SLC28A3: variants seen among roughly 807,000 people sequenced by gnomAD.
The protein encoded by SLC28A3 is solute carrier family 28 member 3, also known as concentrative Na(+)-nucleoside cotransporter 3.
SLC28A3 carries 68 observed loss-of-function variants against 84.2 expected under a neutral mutation model. That is an observed-to-expected ratio of 0.81 (90% CI 0.66 to 0.99). The LOEUF (loss-of-function observed/expected upper bound fraction) is 0.99. SLC28A3 is among the 50% of genes least tolerant of loss of function. The probability of loss-of-function intolerance (pLI) is 0.00; values close to 1 mark genes in which losing one functional copy is unlikely to be tolerated. For missense variants in SLC28A3, 712 were observed against 841.5 expected (o/e 0.85, Z 1.90); for synonymous variants, 267 against 303.6 (o/e 0.88, Z 1.25).
chr9:84,288,634 C>T (rs1825091934), intron 11 of SLC28A3, among the ~76,000 whole-genome samples: 1 of 152,124 alleles, frequency 6.6e-6, no homozygotes, highest in African/African-American at 2.4e-5. Flanking sequence ...CAACCTCCGC[C>T]TCCCTGGTCA....
chr9:84,324,205 TC>T (rs1304127893), intron 1 of SLC28A3, among the ~76,000 whole-genome samples: 2 of 152,216 alleles, frequency 1.3e-5, no homozygotes, highest in African/African-American at 4.8e-5. Context: ...ATGGGTCAGA[TC>T]CTTGATTAAG....
rs1265531739 is a variant in SLC28A3 at position 84,327,012 on chromosome 9, A to AC, written c.61-13559_61-13558insG. Among the ~76,000 whole-genome samples, 505 of 152,102 alleles carry AC rather than the reference A, an allele frequency of 3.3e-3. 3 individuals carry two copies. Among genetic ancestry groups the AC allele is most frequent in the Non-Finnish European group, 4.7e-3 (317 of 68,012 alleles). On this transcript the variant is annotated intron_variant, in intron 1 of 17. Transcript: ENST00000376238. ...GACAGAGCAAGATTCTGTCTCAAAA[A>AC]ACAAAAACAAAAACACCCAAAAAAC...
chr9:84,334,110 G>A (rs1221036832), intron 1 of SLC28A3, among the ~76,000 whole-genome samples: 1 of 152,138 alleles, frequency 6.6e-6, no homozygotes, highest in Non-Finnish European at 1.5e-5. Flanking sequence ...TTTGAGACCA[G>A]CCTGGCCAAC....
chr9:84,318,951 T>A (rs532238495), intron 1 of SLC28A3, among the ~76,000 whole-genome samples: 78 of 152,076 alleles, frequency 5.1e-4, no homozygotes, highest in Admixed American at 1.8e-3. Flanking sequence ...ATACAAATGA[T>A]AAACGGAGAA....
At chr9:84,316,683 C>T (rs1826179534) in intron 1 of SLC28A3, among the ~76,000 whole-genome samples, 2 of 152,178 alleles carry the variant, frequency 1.3e-5, no homozygotes, top group African/African-American at 2.4e-5. Context: ...CCAAATGATA[C>T]AGTATTTAGT....
In SLC28A3 at chr9:84,277,468, C is replaced by A. The variant is rs933778343; in HGVS notation, c.*750G>T. On this transcript the variant is annotated 3_prime_UTR_variant, in exon 18 of 18. Transcript: ENST00000376238. Reference sequence around the variant, plus strand: ...TCCCTCTTAAGACCAACATGCCCCCCTTAGAGGCTGCTCCTTTAGACTGGG... The same window carrying A: ...TCCCTCTTAAGACCAACATGCCCCCATTAGAGGCTGCTCCTTTAGACTGGG... 1 of 152,260 alleles carries A rather than the reference C, an allele frequency of 6.6e-6. No homozygotes were observed. The highest frequency in any genetic ancestry group is 2.4e-5 in the African/African-American group (1 of 41,468). The allele number at this position is 152,260 out of a possible 1,614,324, so 9.4% of individuals were successfully genotyped here.
chr9:84,294,631 T>G (rs1825350072), intron 8 of SLC28A3, among the ~76,000 whole-genome samples: 1 of 152,150 alleles, frequency 6.6e-6, no homozygotes, highest in South Asian at 2.1e-4. Context: ...GTAACCTAAG[T>G]TGAGATAAAT....
chr9:84,349,156 G>A, the SLC28A3 span, among the ~76,000 whole-genome samples: 1 of 152,222 alleles, frequency 6.6e-6, no homozygotes, highest in Non-Finnish European at 1.5e-5. Flanking sequence ...TTTGGGATAG[G>A]TGGTGGAGTT....
chr9:84,347,308 C>G, the SLC28A3 span, among the ~76,000 whole-genome samples: 8,186 of 151,274 alleles, frequency 0.054, 442 homozygotes, highest in East Asian at 0.17. Flanking sequence ...CCATTTTATC[C>G]TCATAACAAG....
intron 1 of SLC28A3, among the ~76,000 whole-genome samples, chr9:84,322,288 T>C (rs1020058494): frequency 3.3e-5 from 5 of 152,188 alleles, no homozygotes; most frequent in Non-Finnish European, 7.3e-5. Context: ...TAAAGAGACA[T>C]TGGACATCAT....
At chr9:84,311,189 T>C (rs1825976732) in intron 2 of SLC28A3, among the ~76,000 whole-genome samples, 1 of 152,202 alleles carries the variant, frequency 6.6e-6, no homozygotes, top group Non-Finnish European at 1.5e-5. Flanking sequence ...GGCCCATTGC[T>C]ATCAAATCCA....
At chr9:84,318,010 G>A (rs1383729079) in intron 1 of SLC28A3, among the ~76,000 whole-genome samples, 1 of 152,094 alleles carries the variant, frequency 6.6e-6, no homozygotes, top group East Asian at 1.9e-4. Flanking sequence ...TTCTCTAAAT[G>A]TTATTCTTCG....
intron 1 of SLC28A3, among the ~76,000 whole-genome samples, chr9:84,321,064 G>GTTAACTTT (rs1826360045): frequency 6.6e-6 from 1 of 151,894 alleles, no homozygotes; most frequent in Non-Finnish European, 1.5e-5. Flanking sequence ...AAAAGTTCAA[G>GTTAACTTT]GTGCTACTTC....
the SLC28A3 span, among the ~76,000 whole-genome samples, chr9:84,350,275 C>G: frequency 6.6e-6 from 1 of 152,082 alleles, no homozygotes; most frequent in African/African-American, 2.4e-5. Flanking sequence ...AACCACGTCT[C>G]TACTAAAAAT....
chr9:84,278,409 C>T, intron 17 of SLC28A3, 65 bp from the exon 18 acceptor site: 1 of 1,594,210 alleles, frequency 6.3e-7, no homozygotes, highest in South Asian at 1.1e-5. Flanking sequence ...GGTGAGCAGA[C>T]AATGACATTA....
intron 5 of SLC28A3, among the ~76,000 whole-genome samples, chr9:84,300,241 A>G (rs11999726): frequency 0.061 from 9,268 of 152,250 alleles, 914 homozygotes; most frequent in African/African-American, 0.21. Context: ...TCCTTACTCT[A>G]CAACTCTTGG....
At chr9:84,357,124 A>G in the SLC28A3 span, among the ~76,000 whole-genome samples, 1 of 152,160 alleles carries the variant, frequency 6.6e-6, no homozygotes, top group Non-Finnish European at 1.5e-5. Context: ...ATTCATTGAC[A>G]CAGCTCAAGC....
chr9:84,324,319 G>A (rs777474595), intron 1 of SLC28A3, among the ~76,000 whole-genome samples: 1 of 152,176 alleles, frequency 6.6e-6, no homozygotes, highest in Non-Finnish European at 1.5e-5. Flanking sequence ...TGGCAGATGC[G>A]AAAATCAGGG....
At chr9:84,305,112 T>A (rs1825745637) in intron 4 of SLC28A3, 142 bp downstream of exon 4, 1 of 716,276 alleles carries the variant, frequency 1.4e-6, no homozygotes, top group Non-Finnish European at 2.3e-6. Context: ...TTGATTTACT[T>A]CTCTACCACC....
Sources: allele counts gnomAD v4.1 joint callset (sites outside exome capture counted in the v4.1 genomes callset), GRCh38; gene constraint gnomAD v4.1.1; transcripts MANE v1.5; gene names NCBI Gene and HGNC (gene_info 2026-07-23, HGNC 2026-07-21).